The following ATP10B variants were observed in gnomAD, a reference collection of about 807,000 sequenced individuals.
ATP10B encodes phospholipid-transporting ATPase VB.
A neutral mutation model predicts 141.2 loss-of-function variants in ATP10B; 122 were observed. The ratio of observed to expected loss-of-function variants is 0.86; its 90% CI spans 0.75 to 1.00. ATP10B has a LOEUF of 1.00. Among genes scored for constraint, ATP10B ranks in the 50% least tolerant of loss-of-function variants. ATP10B has a pLI of 0.00. For synonymous variants in ATP10B, 685 were observed against 692.0 expected (o/e 0.99, Z 0.16); for missense variants, 1,876 against 1,825.3 (o/e 1.03, Z -0.51).
intron 7 of ATP10B, among the ~76,000 whole-genome samples, chr5:160,658,449 TA>T (rs1761658292): frequency 6.6e-6 from 1 of 152,236 alleles, no homozygotes; most frequent in Admixed American, 6.5e-5. Context: ...AAGTTAGGTT[TA>T]TATATTTCTG....
chr5:160,663,032 GA>G (rs1251699163), intron 7 of ATP10B, among the ~76,000 whole-genome samples: 1 of 152,108 alleles, frequency 6.6e-6, no homozygotes, highest in Admixed American at 6.5e-5. Flanking sequence ...AAAGACACAT[GA>G]AAAAATGCTC....
At chr5:160,705,082 C>A (rs1331322355) in intron 3 of ATP10B, among the ~76,000 whole-genome samples, 5 of 151,762 alleles carry the variant, frequency 3.3e-5, no homozygotes, top group Non-Finnish European at 7.4e-5. Context: ...CCACACCCGG[C>A]TAATTTTTTG....
At position 160,620,891 on chromosome 5, in the gene ATP10B, G is replaced by A. The variant is rs761256690; in HGVS notation, c.1872C>T (p.Leu624=). 4 of 1,614,196 alleles carry A rather than the reference G, an allele frequency of 2.5e-6. No individual in the cohort carries two copies. In the East Asian group the frequency reaches 6.7e-5, roughly 27 times the overall value. ...LGTSLEKIQQ[L]FQKLKLLSLS... ...GGCTCAATAGCTTCAACTTCTGGAA[G>A]AGCTGCTGAATCTTCTCCAGGGACG... The change falls in exon 15 of 26, where the codon CTC becomes CTT. Residue 624 remains leucine, a synonymous_variant. Transcript: ENST00000327245.
chr5:160,620,205 G>A, intron 15 of ATP10B, 142 bp downstream of exon 15: 1 of 1,118,156 alleles, frequency 8.9e-7, no homozygotes, highest in South Asian at 1.7e-5. Flanking sequence ...GATATTTGAG[G>A]AAAACATCTT....
At chr5:160,699,998 T>C (rs1000173426) in intron 3 of ATP10B, among the ~76,000 whole-genome samples, 6 of 151,900 alleles carry the variant, frequency 3.9e-5, no homozygotes, top group African/African-American at 1.5e-4. Context: ...TGACTGGGGG[T>C]CTAGAAGTCA....
chr5:160,757,076 T>C (rs779859959), intron 2 of ATP10B, among the ~76,000 whole-genome samples: 2 of 152,230 alleles, frequency 1.3e-5, no homozygotes, highest in Non-Finnish European at 2.9e-5. Context: ...TAATTTTAGA[T>C]CTTGCATTCA....
chr5:160,716,108 C>T (rs1765639909), intron 3 of ATP10B, among the ~76,000 whole-genome samples: 1 of 152,062 alleles, frequency 6.6e-6, no homozygotes, highest in Non-Finnish European at 1.5e-5. Context: ...CACACGTGCA[C>T]AAGGAGATCT....
chr5:160,922,869 G>A, the ATP10B span, among the ~76,000 whole-genome samples: 1 of 152,218 alleles, frequency 6.6e-6, no homozygotes, highest in Non-Finnish European at 1.5e-5. Context: ...GGCCCATTCA[G>A]CTGTCCCCAC....
At chr5:160,668,778 A>G (rs1244678839) in intron 7 of ATP10B, among the ~76,000 whole-genome samples, 1 of 152,056 alleles carries the variant, frequency 6.6e-6, no homozygotes, top group Non-Finnish European at 1.5e-5. Flanking sequence ...CTTTCCTTAT[A>G]CCATTTGAAT....
chr5:160,857,895 T>A, the ATP10B span, among the ~76,000 whole-genome samples: 2 of 151,936 alleles, frequency 1.3e-5, no homozygotes, highest in Non-Finnish European at 2.9e-5. Flanking sequence ...TATTTTAAAT[T>A]TGTCGACATT....
intron 3 of ATP10B, among the ~76,000 whole-genome samples, chr5:160,703,656 G>A (rs1444830325): frequency 1.3e-5 from 2 of 151,938 alleles, no homozygotes; most frequent in Non-Finnish European, 2.9e-5. Flanking sequence ...GTAAAAATGA[G>A]GTTTCATCAT....
chr5:160,634,862 G>C (rs1759241579), intron 11 of ATP10B, among the ~76,000 whole-genome samples: 1 of 152,208 alleles, frequency 6.6e-6, no homozygotes, highest in Non-Finnish European at 1.5e-5. Context: ...GGGAGTGAGA[G>C]AGACTTAGCA....
At chr5:160,917,735 TG>T in the ATP10B span, among the ~76,000 whole-genome samples, 2 of 152,186 alleles carry the variant, frequency 1.3e-5, no homozygotes, top group African/African-American at 2.4e-5. Flanking sequence ...AGAACATGTC[TG>T]GGGATGTCAG....
At chr5:160,592,862 A>G (rs1013335708) in intron 22 of ATP10B, among the ~76,000 whole-genome samples, 1 of 152,184 alleles carries the variant, frequency 6.6e-6, no homozygotes, top group African/African-American at 2.4e-5. Flanking sequence ...AGGCTGGGGG[A>G]GGGGCGCCTG....
the ATP10B span, among the ~76,000 whole-genome samples, chr5:160,906,713 A>T: frequency 6.6e-6 from 1 of 152,322 alleles, no homozygotes; most frequent in Non-Finnish European, 1.5e-5. Context: ...GCCCAATGAA[A>T]CATAACAGAG....
intron 21 of ATP10B, among the ~76,000 whole-genome samples, chr5:160,600,309 G>C (rs1757031445): frequency 2.0e-5 from 3 of 152,134 alleles, no homozygotes; most frequent in Admixed American, 2.0e-4. Context: ...GGTACAATCA[G>C]CATCTGAATT....
At position 160,625,940 on chromosome 5, in the gene ATP10B, G is replaced by C. The variant is rs531190018; in HGVS notation, c.1621-3355C>G. ...GCAATGCATTAAAACAAAGGCCTTCGCTGTAAAAGGCCCTGGCTCATCCTG... is the reference window on the plus strand; with the variant it reads ...GCAATGCATTAAAACAAAGGCCTTCCCTGTAAAAGGCCCTGGCTCATCCTG... On this transcript the variant is annotated intron_variant, in intron 13 of 25. Coordinates refer to ENST00000327245, the MANE Select transcript of ATP10B (RefSeq NM_025153.3). 8.6e-4 allele frequency among the ~76,000 whole-genome samples: 131 copies of C among 152,260 alleles called. 2 individuals are homozygous for C. The Middle Eastern group carries it at 0.01, about 12-fold the overall frequency.
At chr5:160,729,375 C>T (rs974569776) in intron 2 of ATP10B, among the ~76,000 whole-genome samples, 1 of 152,164 alleles carries the variant, frequency 6.6e-6, no homozygotes. Flanking sequence ...TTCTTTTCTC[C>T]TTTCCAATGA....
intron 1 of ATP10B, among the ~76,000 whole-genome samples, chr5:160,791,377 G>A (rs984352748): frequency 3.3e-5 from 5 of 152,080 alleles, no homozygotes; most frequent in South Asian, 4.2e-4. Flanking sequence ...GAGCAAGTGC[G>A]GCTTGAAACC....
Sources: gnomAD v4.1 joint callset for allele counts (sites outside exome capture counted in the v4.1 genomes callset) on GRCh38, gnomAD v4.1.1 for gene constraint, MANE v1.5 for transcripts, NCBI Gene and HGNC (gene_info 2026-07-23, HGNC 2026-07-21) for gene names.